The following POLR3A variants were observed in gnomAD, a reference collection of about 807,000 sequenced individuals.
POLR3A encodes RNA polymerase III subunit A.
A neutral mutation model predicts 152.8 loss-of-function variants in POLR3A; 112 were observed. The ratio of observed to expected loss-of-function variants is 0.73; its 90% CI spans 0.63 to 0.86. The LOEUF (loss-of-function observed/expected upper bound fraction) is 0.86. Among genes scored for constraint, POLR3A ranks in the 40% least tolerant of loss-of-function variants. The pLI is 0.00. For synonymous variants in POLR3A, 615 were observed against 652.1 expected (o/e 0.94, Z 0.87); for missense variants, 1,385 against 1,743.1 (o/e 0.79, Z 3.66).
In POLR3A at chr10:78,007,780, T is replaced by G. The variant is rs570862002; in HGVS notation, c.1996A>C (p.Ile666Leu). 11 of 1,614,110 alleles carry G rather than the reference T, an allele frequency of 6.8e-6. No homozygotes were observed. In the South Asian group the frequency reaches 1.2e-4, roughly 18 times the overall value. Residue 666 changes from isoleucine (I) to leucine (L), a missense_variant, in exon 15 of 31, where the codon ATT (isoleucine) becomes CTT (leucine). Ile to Leu is a conservative substitution (Grantham distance 5). Around this residue, in one of 7 missense-constraint regions of POLR3A, gnomAD observed 188 missense variants for 179.9 expected, o/e 1.04. Transcript: ENST00000372371. Reference sequence around the variant, plus strand: ...TTCTGTCCCCAGTCTCGCAGCAAAATGTAAAAAATATTGTTCTTGGATCCT... The same window carrying G: ...TTCTGTCCCCAGTCTCGCAGCAAAAGGTAAAAAATATTGTTCTTGGATCCT... ...GSGSKNNIFY[I>L]LLRDWGQNEA...
At chr10:78,020,977 CT>C (rs1409254974) in intron 8 of POLR3A, among the ~76,000 whole-genome samples, 2 of 151,994 alleles carry the variant, frequency 1.3e-5, no homozygotes, top group Non-Finnish European at 2.9e-5. Context: ...AAAGTGTCTA[CT>C]TTTTTTTCTT....
At position 78,025,700 on chromosome 10, in the gene POLR3A, T is replaced by G. The variant is rs12248310; in HGVS notation, c.240A>C (p.Leu80=). 6.0e-3 allele frequency: 9,635 copies of G among 1,613,916 alleles called. 539 individuals are homozygous for G. In the African/African-American group the frequency reaches 0.11, roughly 19 times the overall value. ...ETCGKNLADC[L]GHYGYIDLEL... Reference sequence around the variant, plus strand: ...CCAGGTCGATATACCCATAGTGGCCTAGACAGTCAGCCAAGTTTTTCCCAC... The same window carrying G: ...CCAGGTCGATATACCCATAGTGGCCGAGACAGTCAGCCAAGTTTTTCCCAC... The change falls in exon 3 of 31, where the codon CTA becomes CTC. Residue 80 remains leucine (L), a synonymous_variant. Coordinates refer to ENST00000372371, the MANE Select transcript of POLR3A (RefSeq NM_007055.4).
rs550854771 is a variant in POLR3A, at chr10:77,984,188, T to C, written c.3336+17A>G. On this transcript the variant is annotated intron_variant, in intron 25 of 30. Coordinates refer to ENST00000372371, the MANE Select transcript of POLR3A (RefSeq NM_007055.4). ...GCTGAGCTAGTTTTCTTGTTATCAA[T>C]AGGGATTTCTTCTTACCTCTCCCAA... The C allele has an allele frequency of 7.2e-5, 109 of 1,521,310 alleles. No individual in the cohort carries two copies. The highest frequency in any genetic ancestry group is 2.2e-4 in the African/African-American group (16 of 73,200). 94.2% of individuals were successfully genotyped at this position (1,521,310 alleles called of 1,614,324 possible). A position where few individuals can be genotyped will look rare whatever the true frequency, so the allele number is the denominator to read the frequency against.
chr10:78,004,124 C>T (rs183534046), intron 16 of POLR3A, among the ~76,000 whole-genome samples: 1 of 152,208 alleles, frequency 6.6e-6, no homozygotes, highest in Non-Finnish European at 1.5e-5. Flanking sequence ...ATCCCAGCTA[C>T]TTGGGAGGGT....
At chr10:77,996,813 G>C in intron 19 of POLR3A, among the ~76,000 whole-genome samples, 1 of 152,154 alleles carries the variant, frequency 6.6e-6, no homozygotes, top group Non-Finnish European at 1.5e-5. Context: ...CTCATTTTAT[G>C]AGGCCAGCAT....
At chr10:78,028,193 A>G (rs1847655935) in intron 1 of POLR3A, among the ~76,000 whole-genome samples, 1 of 152,204 alleles carries the variant, frequency 6.6e-6, no homozygotes. Context: ...AAAATCCTTC[A>G]AAGGTTCCTC....
At chr10:77,990,810 C>T (rs1847240451) in intron 21 of POLR3A, among the ~76,000 whole-genome samples, 1 of 152,068 alleles carries the variant, frequency 6.6e-6, no homozygotes, top group Non-Finnish European at 1.5e-5. Context: ...GACAGGGTCT[C>T]ATCGTGTTGG....
intron 9 of POLR3A, among the ~76,000 whole-genome samples, chr10:78,018,333 T>C (rs1847545252): frequency 2.0e-5 from 3 of 151,996 alleles, no homozygotes; most frequent in Admixed American, 1.3e-4. Context: ...AACCCGTCGC[T>C]ACTAAAAATA....
At chr10:78,029,245 G>A (rs1448432634) in intron 1 of POLR3A, 119 bp downstream of exon 1, 10 of 1,007,212 alleles carry the variant, frequency 9.9e-6, no homozygotes, top group African/African-American at 1.6e-5. Flanking sequence ...CACACCTATG[G>A]ACTACTGGCC....
At chr10:77,984,117 G>C (rs1028272316) in intron 25 of POLR3A, 88 bp downstream of exon 25, 1 of 1,224,486 alleles carries the variant, frequency 8.2e-7, no homozygotes, top group Non-Finnish European at 1.2e-6. Flanking sequence ...GACGCCACAG[G>C]CTGGTCAATA....
intron 8 of POLR3A, 125 bp from the exon 9 acceptor site, chr10:78,019,390 C>A: frequency 1.4e-6 from 1 of 738,092 alleles, no homozygotes; most frequent in East Asian, 2.7e-5. Flanking sequence ...GCATCCTGGG[C>A]AGCCTGCTGC....
chr10:78,023,107 G>A (rs1304645516), intron 5 of POLR3A, among the ~76,000 whole-genome samples: 4 of 149,882 alleles, frequency 2.7e-5, no homozygotes, highest in Admixed American at 6.7e-5. Flanking sequence ...GCCGTGAGCC[G>A]ATATCATGCC....
intron 10 of POLR3A, among the ~76,000 whole-genome samples, chr10:78,017,204 C>T (rs1379707626): frequency 6.6e-6 from 1 of 151,942 alleles, no homozygotes; most frequent in Non-Finnish European, 1.5e-5. Context: ...GAAGGAGGAT[C>T]GCTTGAGCCC....
At chr10:78,016,375 T>C (rs986858185) in intron 10 of POLR3A, among the ~76,000 whole-genome samples, 2 of 136,866 alleles carry the variant, frequency 1.5e-5, no homozygotes, top group Non-Finnish European at 3.1e-5. Context: ...TTGCGACCCA[T>C]CTGGGCAATA....
rs552175322 is a variant in POLR3A at position 77,982,020 on chromosome 10, C to A, written c.3759+134G>T. On this transcript the variant is annotated intron_variant, in intron 28 of 30. Coordinates refer to ENST00000372371, the MANE Select transcript of POLR3A (RefSeq NM_007055.4). ...CGCCACTGCACTCCAGCCTGGGCAA[C>A]AGAGCAAGACTCCATCTCAAAAAAA... The A allele has an allele frequency of 8.0e-6, 5 of 622,888 alleles. No homozygotes were observed. In the East Asian group the frequency reaches 1.7e-4, roughly 21 times the overall value. 38.6% of individuals were successfully genotyped at this position (622,888 alleles called of 1,614,324 possible).
rs758524428 is a variant in POLR3A, at chr10:78,022,326, A to G, written c.704T>C (p.Val235Ala). The change falls in exon 6 of 31, where the codon GTT (valine) becomes GCT (alanine). Residue 235 changes from valine (V) to alanine (A), a missense_variant. Val to Ala is a moderately conservative substitution (Grantham distance 64, BLOSUM62 0). Transcript: ENST00000372371. Reference sequence around the variant, plus strand: ...TTCTGGGTTCATCAGAAGTAGAGGAACATCTTCAGCTGGGATTCGTTTAAA... The same window carrying G: ...TTCTGGGTTCATCAGAAGTAGAGGAGCATCTTCAGCTGGGATTCGTTTAAA... ...NLFKRIPAED[V>A]PLLLMNPEAG... is the part of the protein sequence containing the mutation. 1.2e-6 allele frequency: 2 copies of G among 1,614,118 alleles called. No homozygotes were observed. The highest frequency in any genetic ancestry group is 1.7e-6 in the Non-Finnish European group (2 of 1,179,942).
intron 15 of POLR3A, among the ~76,000 whole-genome samples, chr10:78,007,463 G>C (rs1847422133): frequency 6.6e-6 from 1 of 152,208 alleles, no homozygotes; most frequent in African/African-American, 2.4e-5. Flanking sequence ...AGACCGTAGG[G>C]AGCTACTGCT....
chr10:78,022,843 A>G (rs896574949), intron 5 of POLR3A, among the ~76,000 whole-genome samples: 1 of 152,210 alleles, frequency 6.6e-6, no homozygotes, highest in Non-Finnish European at 1.5e-5. Flanking sequence ...AGCAATTGAC[A>G]TAAAAAAGGT....
At chr10:78,005,051 C>A (rs900169936) in intron 15 of POLR3A, among the ~76,000 whole-genome samples, 163 bp from the exon 16 acceptor site, 2 of 152,210 alleles carry the variant, frequency 1.3e-5, no homozygotes, top group Admixed American at 1.3e-4. Flanking sequence ...CATCACAATT[C>A]AATTAAATAA....
Sources: gnomAD v4.1 joint callset for allele counts (sites outside exome capture counted in the v4.1 genomes callset) on GRCh38, gnomAD v4.1.1 for gene constraint, gnomAD v4.1.1 regional missense constraint, MANE v1.5 for transcripts, NCBI Gene and HGNC (gene_info 2026-07-23, HGNC 2026-07-21) for gene names.